Variants in PPP4R2 observed in about 807,000 individuals in gnomAD.
The protein encoded by PPP4R2 is protein phosphatase 4 regulatory subunit 2.
Under a neutral mutation model 47.2 loss-of-function variants are expected in PPP4R2, and 13 were observed. That is an observed-to-expected ratio of 0.28 (90% CI 0.18 to 0.44). The LOEUF (loss-of-function observed/expected upper bound fraction) is 0.44. PPP4R2 is among the 20% of genes least tolerant of loss of function. The pLI, the probability that PPP4R2 is intolerant of heterozygous loss-of-function variation, is 1.00. For synonymous variants in PPP4R2, 151 were observed against 163.3 expected (o/e 0.92, Z 0.57); for missense variants, 421 against 491.2 (o/e 0.86, Z 1.35).
chr3:73,020,672 T>TAAAAAAAAA lies in PPP4R2; in HGVS notation c.116+22525_116+22533dup, dbSNP rs1553646728. 1.2e-3 allele frequency among the ~76,000 whole-genome samples: 159 copies of TAAAAAAAAA among 133,212 alleles called. 1 individual carries two copies. The highest frequency in any genetic ancestry group is 4.3e-3 in the African/African-American group (148 of 34,252). 87.4% of individuals were successfully genotyped at this position (133,212 alleles called of 152,430 possible). On this transcript the variant is annotated intron_variant, in intron 2 of 8. Coordinates refer to ENST00000356692, the MANE Select transcript of PPP4R2 (RefSeq NM_174907.4). Reference sequence around the variant, plus strand: ...GCCACAGAGTGAGACCCTGTCTCTTTAAAAAAAAAAAAAAAAAAAGTTAAA... The same window carrying TAAAAAAAAA: ...GCCACAGAGTGAGACCCTGTCTCTTTAAAAAAAAAAAAAAAAAAAAAAAAAAAAGTTAAA...
At chr3:73,004,520 A>G (rs926139651) in intron 2 of PPP4R2, among the ~76,000 whole-genome samples, 12 of 152,078 alleles carry the variant, frequency 7.9e-5, no homozygotes, top group African/African-American at 2.4e-4. Context: ...CAGTGATGCA[A>G]TCTTGGTTCA....
chr3:73,018,547 G>A (rs573331837), intron 2 of PPP4R2, among the ~76,000 whole-genome samples: 4 of 126,052 alleles, frequency 3.2e-5, no homozygotes, highest in African/African-American at 8.4e-5. Context: ...TCAACCACCC[G>A]GGCACAAGCA....
At chr3:73,002,624 CTTTTCTTTTCTTTTTTTTTTTTTTT>C (rs1701495303) in intron 2 of PPP4R2, among the ~76,000 whole-genome samples, 1 of 67,024 alleles carries the variant, frequency 1.5e-5, no homozygotes, top group Non-Finnish European at 3.0e-5. Context: ...CTTTTCTTTT[CTTTTCTTTTCTTTTTTTTTTTTTTT>C]TTTTTTTTTT....
chr3:73,032,461 G>T (rs1702184345), intron 2 of PPP4R2, among the ~76,000 whole-genome samples: 1 of 151,906 alleles, frequency 6.6e-6, no homozygotes, highest in African/African-American at 2.4e-5. Context: ...GCTAATTTTT[G>T]TATTTTTAGT....
In PPP4R2 at chr3:73,047,908, G is replaced by A. The variant is rs972975265; in HGVS notation, c.287+552G>A. Among the ~76,000 whole-genome samples the A allele has an allele frequency of 5.3e-5, 8 of 152,214 alleles. No homozygotes were observed. In the East Asian group the frequency reaches 1.2e-3, roughly 22 times the overall value. ...TTGTTTGTTTTTGAGAAGGTGTCTC[G>A]CTCTGTCACCTAGGCTGGAATACAG... On this transcript the variant is annotated intron_variant, in intron 3 of 8. Transcript: ENST00000356692.
intron 3 of PPP4R2, among the ~76,000 whole-genome samples, chr3:73,048,246 G>T (rs972202795): frequency 6.6e-6 from 1 of 151,510 alleles, no homozygotes; most frequent in Non-Finnish European, 1.5e-5. Context: ...GTAGGACTTT[G>T]TTTTTTGTTT....
chr3:73,009,019 G>A (rs185860325), intron 2 of PPP4R2, among the ~76,000 whole-genome samples: 134 of 152,306 alleles, frequency 8.8e-4, no homozygotes, highest in Non-Finnish European at 1.6e-3. Context: ...TTAATGCAGC[G>A]ACAGGCAGAT....
intron 6 of PPP4R2, 91 bp downstream of exon 6, chr3:73,063,838 T>A: frequency 2.6e-6 from 3 of 1,137,904 alleles, no homozygotes; most frequent in Non-Finnish European, 3.9e-6. Context: ...TTGGGCATTT[T>A]ATGGACACCA....
chr3:73,036,495 C>A (rs1015027050), intron 2 of PPP4R2, among the ~76,000 whole-genome samples: 1 of 152,150 alleles, frequency 6.6e-6, no homozygotes, highest in Non-Finnish European at 1.5e-5. Flanking sequence ...TCACATGTAT[C>A]CCATAAATAT....
intron 2 of PPP4R2, chr3:73,027,715 CAGT>C (rs1425310022): frequency 6.6e-6 from 1 of 150,446 alleles, no homozygotes; most frequent in Non-Finnish European, 1.5e-5. Flanking sequence ...TGTGAGCAGA[CAGT>C]AGATAAATAA....
chr3:73,019,214 A>ATAG, intron 2 of PPP4R2, among the ~76,000 whole-genome samples: 1 of 152,170 alleles, frequency 6.6e-6, no homozygotes, highest in Non-Finnish European at 1.5e-5. Context: ...GGTGTATAGT[A>ATAG]GACTATACCA....
In PPP4R2 at chr3:73,047,175, T is replaced by G. The variant is rs1402515333; in HGVS notation, c.117-11T>G. The G allele has an allele frequency of 6.7e-7, 1 of 1,490,796 alleles. No individual in the cohort carries two copies. Among genetic ancestry groups the G allele is most frequent in the African/African-American group, 1.4e-5 (1 of 70,596 alleles). 92.3% of individuals were successfully genotyped at this position (1,490,796 alleles called of 1,614,324 possible). A position where few individuals can be genotyped will look rare whatever the true frequency, so the allele number is the denominator to read the frequency against. ...CATGGTATTATATATTTTTTAATTT[T>G]TTGCTTATAGGATTCAGTGGTCCCA... On this transcript the variant is annotated splice_polypyrimidine_tract_variant and intron_variant, in intron 2 of 8. Coordinates refer to ENST00000356692, the MANE Select transcript of PPP4R2 (RefSeq NM_174907.4).
In PPP4R2 at chr3:73,065,063, G is replaced by A. The variant is rs532851283; in HGVS notation, c.850G>A (p.Asp284Asn). 6.8e-6 allele frequency: 11 copies of A among 1,613,968 alleles called. No individual in the cohort carries two copies. Among genetic ancestry groups the A allele is most frequent in the African/African-American group, 6.7e-5 (5 of 75,008 alleles). ...AACAGAAGCATCATCTTCATCTCAG[G>A]ATAAAGACAAAGATAGCCGTTGTAC... ...GETEASSSSQ[D>N]KDKDSRCTRQ... The change falls in exon 8 of 9, where the codon GAT becomes AAT. Residue 284 changes from aspartate to asparagine, a missense_variant. Asp to Asn is a conservative substitution (Grantham distance 23, BLOSUM62 1). Transcript: ENST00000356692.
Position 73,067,880 on chromosome 3 carries a change from T to C in PPP4R2, c.*2158T>C, listed in dbSNP as rs2107356310. On this transcript the variant is annotated 3_prime_UTR_variant, in exon 9 of 9. Coordinates refer to ENST00000356692, the MANE Select transcript of PPP4R2 (RefSeq NM_174907.4). ...GGTGAATGTACCAAAATGACATCACTTAACTCTATGAGAGATCTGCATTTT... is the reference window on the plus strand; with the variant it reads ...GGTGAATGTACCAAAATGACATCACCTAACTCTATGAGAGATCTGCATTTT... 6.6e-6 allele frequency: 1 copy of C among 152,338 alleles called. No homozygotes were observed. The highest frequency in any genetic ancestry group is 2.1e-4 in the South Asian group (1 of 4,828). The allele number at this position is 152,338 out of a possible 1,614,324, so 9.4% of individuals were successfully genotyped here.
At chr3:73,024,346 A>AT (rs1702017295) in intron 2 of PPP4R2, among the ~76,000 whole-genome samples, 1 of 152,184 alleles carries the variant, frequency 6.6e-6, no homozygotes, top group Non-Finnish European at 1.5e-5. Flanking sequence ...AAGTTACTTT[A>AT]TTGGTAGTGA....
At chr3:73,052,104 G>A (rs1702626058) in intron 3 of PPP4R2, among the ~76,000 whole-genome samples, 1 of 151,994 alleles carries the variant, frequency 6.6e-6, no homozygotes, top group Non-Finnish European at 1.5e-5. Flanking sequence ...CTAGGTGCGT[G>A]GATGGATAAA....
chr3:72,998,206 G>A (rs765665775), intron 2 of PPP4R2, 48 bp downstream of exon 2: 1 of 1,206,744 alleles, frequency 8.3e-7, no homozygotes, highest in Non-Finnish European at 1.2e-6. Context: ...GCATTATTAA[G>A]AATTGCTCAG....
At chr3:73,010,605 C>T (rs1030302292) in intron 2 of PPP4R2, among the ~76,000 whole-genome samples, 2 of 151,790 alleles carry the variant, frequency 1.3e-5, no homozygotes, top group Non-Finnish European at 2.9e-5. Context: ...GTCTCCCAGG[C>T]TGGAGTGCAG....
chr3:73,016,813 C>CTTTTTTTTTTTTTTTTTTT (rs1207946652), intron 2 of PPP4R2, among the ~76,000 whole-genome samples: 2 of 72,906 alleles, frequency 2.7e-5, no homozygotes, highest in Non-Finnish European at 4.9e-5. Context: ...TTCATTGTTT[C>CTTTTTTTTTTTTTTTTTTT]TTTTTTTTTT....
Sources: gnomAD v4.1 joint callset for allele counts (sites outside exome capture counted in the v4.1 genomes callset) on GRCh38, gnomAD v4.1.1 for gene constraint, MANE v1.5 for transcripts, NCBI Gene and HGNC (gene_info 2026-07-23, HGNC 2026-07-21) for gene names.